RNASEH1: variants seen among roughly 807,000 people sequenced by gnomAD.
RNASEH1 encodes the protein ribonuclease H1.
In RNASEH1, 27 loss-of-function variants were observed where a neutral mutation model predicts 34.6. The ratio of observed to expected loss-of-function variants is 0.78; its 90% CI spans 0.58 to 1.08. The LOEUF (loss-of-function observed/expected upper bound fraction) is 1.08, where lower values mean the gene tolerates loss of function less well. RNASEH1 is among the 50% of genes least tolerant of loss of function. The probability of loss-of-function intolerance (pLI) is 0.00; values close to 1 mark genes in which losing one functional copy is unlikely to be tolerated. For missense variants in RNASEH1, 349 were observed against 373.6 expected, an observed-to-expected ratio of 0.93 and a Z score of 0.54; for synonymous variants, 162 against 138.4, an observed-to-expected ratio of 1.17 and a Z score of -1.20.
chr2:3,552,033 T>C (rs1415695111), intron 3 of RNASEH1, 111 bp downstream of exon 3: 3 of 780,770 alleles, frequency 3.8e-6, no homozygotes, highest in Admixed American at 2.7e-5. Context: ...CACATAAGAA[T>C]GAAGATGATA....
chr2:3,556,018 A>T (rs1219671786), intron 2 of RNASEH1, among the ~76,000 whole-genome samples: 1 of 152,026 alleles, frequency 6.6e-6, no homozygotes, highest in East Asian at 1.9e-4. Context: ...TAAAAAAAAT[A>T]CAAAAATTAG....
Position 3,544,808 on chromosome 2 carries a change from T to A in RNASEH1, c.*977A>T, listed in dbSNP as rs1668590019. On this transcript the variant is annotated 3_prime_UTR_variant, in exon 8 of 8. Coordinates refer to ENST00000315212, the MANE Select transcript of RNASEH1 (RefSeq NM_002936.6). ...TTTTTTTTTTGAGACAGAGTCTCAC[T>A]CTGTTGCCCAGGATGGAGTGCAGTG... The A allele has an allele frequency of 6.6e-6, 1 of 151,566 alleles. No individual in the cohort carries two copies. The highest frequency in any genetic ancestry group is 1.5e-5 in the Non-Finnish European group (1 of 67,932). The allele number at this position is 151,566 out of a possible 1,614,324, so 9.4% of individuals were successfully genotyped here. A position where few individuals can be genotyped will look rare whatever the true frequency, so the allele number is the denominator to read the frequency against.
chr2:3,539,042 T>TA (rs1414421158), downstream of RNASEH1, among the ~76,000 whole-genome samples: 1 of 152,228 alleles, frequency 6.6e-6, no homozygotes, highest in South Asian at 2.1e-4. Flanking sequence ...TCTGAGTTGT[T>TA]AGTTTTTTTT....
At position 3,554,514 on chromosome 2, in the gene RNASEH1, AAAC is replaced by A. The variant is rs1389263857; in HGVS notation, c.245-2209_245-2207del. The stretch of plus-strand genomic sequence containing the variant: ...AAATAAGGATAAATGTAATGTTAAA[AAAC>A]AAAAAACTGTAAAAGGGGCTAAGAC... On this transcript the variant is annotated intron_variant, in intron 2 of 7. Transcript: ENST00000315212. 2.0e-5 allele frequency among the ~76,000 whole-genome samples: 3 copies of A among 152,258 alleles called. No homozygotes were observed. In the East Asian group the frequency reaches 5.8e-4, roughly 29 times the overall value.
At chr2:3,545,892 C>G in intron 7 of RNASEH1, 21 bp from the exon 8 acceptor site, 1 of 1,569,866 alleles carries the variant, frequency 6.4e-7, no homozygotes, top group Non-Finnish European at 8.8e-7. Flanking sequence ...AAATGTTTTC[C>G]TTTTATTTTT....
At position 3,544,126 on chromosome 2, in the gene RNASEH1, C is replaced by T. The variant is rs898339790; in HGVS notation, c.*1659G>A. Among the ~76,000 whole-genome samples the T allele has an allele frequency of 2.6e-5, 4 of 152,194 alleles. No homozygotes were observed. The highest frequency in any genetic ancestry group is 1.9e-4 in the East Asian group (1 of 5,180). On this transcript the variant is annotated 3_prime_UTR_variant, in exon 8 of 8. Transcript: ENST00000315212. ...TTCCAGCTAATAAAGGCAAGCAAAA[C>T]GACAGAATGAGAATACCACCATTTT...
chr2:3,554,423 T>C (rs1326070576), intron 2 of RNASEH1, among the ~76,000 whole-genome samples: 1 of 152,258 alleles, frequency 6.6e-6, no homozygotes, highest in Non-Finnish European at 1.5e-5. Flanking sequence ...TTGTGGTTTT[T>C]AAGTAAATTA....
At chr2:3,553,262 A>C (rs1660161464) in intron 2 of RNASEH1, among the ~76,000 whole-genome samples, 1 of 151,920 alleles carries the variant, frequency 6.6e-6, no homozygotes, top group South Asian at 2.1e-4. Flanking sequence ...AAAAAAAGGA[A>C]ACAGAAACCA....
chr2:3,554,638 T>G (rs1041795285), intron 2 of RNASEH1, among the ~76,000 whole-genome samples: 1 of 152,200 alleles, frequency 6.6e-6, no homozygotes, highest in Non-Finnish European at 1.5e-5. Flanking sequence ...AGAAGTAGAT[T>G]CAAAAGAACT....
the RNASEH1 span, chr2:3,534,196 C>G: frequency 6.6e-6 from 1 of 152,264 alleles, no homozygotes; most frequent in Non-Finnish European, 1.5e-5. Context: ...TTCTGCCCTG[C>G]TCACTCTCTG....
the RNASEH1 span, among the ~76,000 whole-genome samples, chr2:3,534,709 T>G: frequency 6.6e-6 from 1 of 152,234 alleles, no homozygotes; most frequent in East Asian, 1.9e-4. Context: ...CCAGCAGTGA[T>G]CCTTGGGCCG....
At chr2:3,537,406 C>G (rs1668040462), downstream of RNASEH1, among the ~76,000 whole-genome samples, 2 of 152,156 alleles carry the variant, frequency 1.3e-5, no homozygotes, top group Non-Finnish European at 2.9e-5. Flanking sequence ...ACAGGTATTA[C>G]AACATGATTC....
downstream of RNASEH1, among the ~76,000 whole-genome samples, chr2:3,538,460 C>T (rs1307158146): frequency 2.0e-5 from 3 of 152,230 alleles, no homozygotes; most frequent in Non-Finnish European, 2.9e-5. Context: ...AGCATCCTCT[C>T]CCCATTCCCA....
intron 3 of RNASEH1, 144 bp from the exon 4 acceptor site, chr2:3,550,616 C>T (rs1368818142): frequency 7.6e-6 from 5 of 661,938 alleles, no homozygotes; most frequent in African/African-American, 5.4e-5. Context: ...GGAAAACATG[C>T]TCCATTCCTT....
chr2:3,550,099 T>TC, intron 4 of RNASEH1: 1 of 380,254 alleles, frequency 2.6e-6, no homozygotes. Context: ...GCTGTGTTTG[T>TC]GCCACTGTAC....
In RNASEH1 at chr2:3,544,405, A is replaced by T. The variant is rs1188217819; in HGVS notation, c.*1380T>A. 6.6e-6 allele frequency among the ~76,000 whole-genome samples: 1 copy of T among 152,258 alleles called. No homozygotes were observed. Among genetic ancestry groups the T allele is most frequent in the African/African-American group, 2.4e-5 (1 of 41,478 alleles). The stretch of plus-strand genomic sequence containing the variant: ...AAACAGCCCAGGCTCTTCAACAGAT[A>T]AACGGCAGGGAAAACAGTGAGGCCG... On this transcript the variant is annotated 3_prime_UTR_variant, in exon 8 of 8. Transcript: ENST00000315212.
chr2:3,552,446 G>A (rs900014528), intron 2 of RNASEH1, 138 bp from the exon 3 acceptor site: 7 of 754,116 alleles, frequency 9.3e-6, no homozygotes, highest in South Asian at 2.0e-5. Flanking sequence ...CCTACAACGA[G>A]GGAAACGAGG....
intron 2 of RNASEH1, 149 bp from the exon 3 acceptor site, chr2:3,552,457 G>C: frequency 1.4e-6 from 1 of 697,604 alleles, no homozygotes; most frequent in Non-Finnish European, 2.2e-6. Context: ...GGAAACGAGG[G>C]AATGACCCCC....
rs1668547949 is a variant in RNASEH1, at chr2:3,544,320, T to C, written c.*1465A>G. 6.6e-6 allele frequency among the ~76,000 whole-genome samples: 1 copy of C among 152,138 alleles called. No homozygotes were observed. Among genetic ancestry groups the C allele is most frequent in the African/African-American group, 2.4e-5 (1 of 41,396 alleles). The stretch of plus-strand genomic sequence containing the variant: ...AATGTGCAGGAAACATAGAGGACCA[T>C]GCTGAACTACACCATGACCACGTGG... On this transcript the variant is annotated 3_prime_UTR_variant, in exon 8 of 8. Transcript: ENST00000315212.
Sources: gnomAD v4.1 joint callset for allele counts (sites outside exome capture counted in the v4.1 genomes callset) on GRCh38, gnomAD v4.1.1 for gene constraint, MANE v1.5 for transcripts, NCBI Gene and HGNC (gene_info 2026-07-23, HGNC 2026-07-21) for gene names.